The following GRM1 variants were observed in gnomAD, a reference collection of about 807,000 sequenced individuals.
GRM1 encodes the protein glutamate metabotropic receptor 1, also known as metabotropic glutamate receptor 1.
GRM1 carries 33 observed loss-of-function variants against 90.9 expected under a neutral mutation model. The ratio of observed to expected loss-of-function variants is 0.36; its 90% CI spans 0.28 to 0.49. The LOEUF (loss-of-function observed/expected upper bound fraction) is 0.49, where lower values mean the gene tolerates loss of function less well. Ranked by LOEUF, GRM1 falls within the 20% of genes least tolerant of loss-of-function variation. The pLI is 0.99. For synonymous variants in GRM1, 700 were observed against 613.2 expected, an observed-to-expected ratio of 1.14 and a Z score of -2.09; for missense variants, 1,190 against 1,534.3, an observed-to-expected ratio of 0.78 and a Z score of 3.75.
chr6:146,185,591 G>A lies in GRM1; in HGVS notation c.950+25994G>A, dbSNP rs149491836. The stretch of plus-strand genomic sequence containing the variant: ...ACTTTCTGCTTACAGATGACTGACA[G>A]CTTAAGGATTAATTTAAACCCAGAT... On this transcript the variant is annotated intron_variant, in intron 2 of 7. Coordinates refer to ENST00000282753, the MANE Select transcript of GRM1 (RefSeq NM_001278064.2). Among the ~76,000 whole-genome samples the A allele has an allele frequency of 2.6e-3, 395 of 152,290 alleles. 3 individuals carry two copies. The highest frequency in any genetic ancestry group is 8.7e-3 in the African/African-American group (362 of 41,568).
At chr6:146,328,575 C>A (rs781739905) in intron 3 of GRM1, among the ~76,000 whole-genome samples, 6 of 152,186 alleles carry the variant, frequency 3.9e-5, no homozygotes, top group Non-Finnish European at 8.8e-5. Flanking sequence ...TAACTATACT[C>A]TTTACCTCTT....
intron 2 of GRM1, among the ~76,000 whole-genome samples, chr6:146,219,184 T>C (rs1305909498): frequency 6.6e-6 from 1 of 152,262 alleles, no homozygotes; most frequent in African/African-American, 2.4e-5. Context: ...CTGGATGAAT[T>C]TGAAGTAGTT....
chr6:146,252,670 A>C (rs536289896), intron 2 of GRM1, among the ~76,000 whole-genome samples: 38 of 152,288 alleles, frequency 2.5e-4, no homozygotes, highest in Admixed American at 2.3e-3. Context: ...TTCCAGCAGG[A>C]CAAGTTAGAA....
chr6:146,312,963 A>C (rs965571867), intron 3 of GRM1, among the ~76,000 whole-genome samples: 7 of 152,250 alleles, frequency 4.6e-5, no homozygotes, highest in Non-Finnish European at 8.8e-5. Context: ...ATTGGATGGA[A>C]TCAGAGAAAC....
chr6:146,122,631 T>G (rs1776032355), intron 1 of GRM1, among the ~76,000 whole-genome samples: 1 of 152,062 alleles, frequency 6.6e-6, no homozygotes. Context: ...AAACTTCCAT[T>G]TCACAAATTA....
intron 2 of GRM1, among the ~76,000 whole-genome samples, chr6:146,272,521 T>C (rs185014609): frequency 1.3e-5 from 2 of 152,338 alleles, no homozygotes; most frequent in Admixed American, 6.5e-5. Flanking sequence ...AATACACTAC[T>C]AAATTATTCC....
At chr6:146,353,473 C>T (rs1785475079) in intron 4 of GRM1, among the ~76,000 whole-genome samples, 1 of 152,158 alleles carries the variant, frequency 6.6e-6, no homozygotes, top group Admixed American at 6.5e-5. Flanking sequence ...CTTTCTTTTA[C>T]AGATAATAAA....
intron 3 of GRM1, among the ~76,000 whole-genome samples, chr6:146,309,210 C>A (rs1055403097): frequency 4.0e-5 from 6 of 151,876 alleles, no homozygotes; most frequent in Non-Finnish European, 5.9e-5. Context: ...ACCAGCCTGG[C>A]CAACATGGTG....
At chr6:146,158,654 G>A (rs1045050766) in intron 1 of GRM1, among the ~76,000 whole-genome samples, 1 of 152,140 alleles carries the variant, frequency 6.6e-6, no homozygotes, top group African/African-American at 2.4e-5. Context: ...GGAATAGAGA[G>A]ACAGGGAACT....
At chr6:146,338,860 C>T (rs1028776828) in intron 3 of GRM1, among the ~76,000 whole-genome samples, 10 of 152,180 alleles carry the variant, frequency 6.6e-5, no homozygotes, top group Non-Finnish European at 1.5e-5. Context: ...ACCAATGCTA[C>T]TTAGCAGCCC....
At chr6:146,092,029 T>C (rs981465001) in intron 1 of GRM1, among the ~76,000 whole-genome samples, 6 of 152,134 alleles carry the variant, frequency 3.9e-5, no homozygotes, top group African/African-American at 7.2e-5. Flanking sequence ...AAAGACATGC[T>C]TCACTTTCCC....
intron 2 of GRM1, among the ~76,000 whole-genome samples, chr6:146,291,991 G>T (rs1783003257): frequency 6.6e-6 from 1 of 151,954 alleles, no homozygotes; most frequent in Non-Finnish European, 1.5e-5. Context: ...AGGTGCAATA[G>T]AATTGAGAAT....
intron 1 of GRM1, among the ~76,000 whole-genome samples, chr6:146,154,833 A>G (rs904523324): frequency 1.3e-5 from 2 of 152,240 alleles, no homozygotes; most frequent in Admixed American, 1.3e-4. Context: ...CAAACAGTGT[A>G]TGTACTTATA....
intron 1 of GRM1, among the ~76,000 whole-genome samples, chr6:146,079,691 C>T (rs1366218078): frequency 6.6e-6 from 1 of 152,102 alleles, no homozygotes; most frequent in Non-Finnish European, 1.5e-5. Context: ...ATGTCTTTTT[C>T]TTCCTAAGCA....
intron 1 of GRM1, among the ~76,000 whole-genome samples, chr6:146,153,757 T>TGC (rs1777425299): frequency 1.3e-5 from 2 of 152,134 alleles, no homozygotes; most frequent in African/African-American, 2.4e-5. Flanking sequence ...GTAACAAACC[T>TGC]GCATATCCTG....
At chr6:146,201,733 G>C (rs1305471681) in intron 2 of GRM1, among the ~76,000 whole-genome samples, 1 of 152,208 alleles carries the variant, frequency 6.6e-6, no homozygotes, top group Non-Finnish European at 1.5e-5. Flanking sequence ...CAGTACATTT[G>C]AGACAGGCAC....
chr6:146,254,296 A>T (rs1781406641), intron 2 of GRM1, among the ~76,000 whole-genome samples: 1 of 152,124 alleles, frequency 6.6e-6, no homozygotes, highest in Admixed American at 6.6e-5. Context: ...AGGAGAGAGT[A>T]TCAAATTGGC....
At chr6:146,364,019 C>A (rs1405624646) in intron 5 of GRM1, among the ~76,000 whole-genome samples, 1 of 152,188 alleles carries the variant, frequency 6.6e-6, no homozygotes, top group Non-Finnish European at 1.5e-5. Context: ...GACGCATCCG[C>A]TTCTACCTTT....
At chr6:146,059,195 A>G (rs1775581521) in intron 1 of GRM1, among the ~76,000 whole-genome samples, 1 of 152,090 alleles carries the variant, frequency 6.6e-6, no homozygotes, top group African/African-American at 2.4e-5. Flanking sequence ...CATGAAATGC[A>G]TTTCTTAAAT....
Sources: gnomAD v4.1 joint callset for allele counts (sites outside exome capture counted in the v4.1 genomes callset) on GRCh38, gnomAD v4.1.1 for gene constraint, MANE v1.5 for transcripts, NCBI Gene and HGNC (gene_info 2026-07-23, HGNC 2026-07-21) for gene names.